CDH7: variants seen among roughly 807,000 people sequenced by gnomAD.
CDH7 encodes the protein cadherin-7.
A neutral mutation model predicts 71.8 loss-of-function variants in CDH7; 25 were observed. That is an observed-to-expected ratio of 0.35 (90% CI 0.25 to 0.49). CDH7 has a LOEUF of 0.49. Ranked by LOEUF, CDH7 falls within the 20% of genes least tolerant of loss-of-function variation. The pLI is 0.99. For missense variants in CDH7, 862 were observed against 974.6 expected (o/e 0.88, Z 1.54); for synonymous variants, 381 against 363.8 (o/e 1.05, Z -0.54).
chr18:65,763,547 T>G (rs1916265261), intron 2 of CDH7, among the ~76,000 whole-genome samples: 1 of 151,946 alleles, frequency 6.6e-6, no homozygotes, highest in Non-Finnish European at 1.5e-5. Context: ...TTCTAAATTA[T>G]GAACAATTTA....
At chr18:65,846,680 C>T (rs1912946131) in intron 7 of CDH7, among the ~76,000 whole-genome samples, 1 of 152,132 alleles carries the variant, frequency 6.6e-6, no homozygotes, top group African/African-American at 2.4e-5. Context: ...GCATTACTCT[C>T]ACGCATTCTC....
chr18:65,782,504 A>G (rs941678152), intron 2 of CDH7, among the ~76,000 whole-genome samples: 1 of 152,140 alleles, frequency 6.6e-6, no homozygotes, highest in Non-Finnish European at 1.5e-5. Flanking sequence ...TTACAAGTAT[A>G]TTAAAATAGA....
chr18:65,879,426 G>T (rs540307548), intron 11 of CDH7, among the ~76,000 whole-genome samples: 1 of 152,018 alleles, frequency 6.6e-6, no homozygotes, highest in African/African-American at 2.4e-5. Flanking sequence ...GATGAATAAA[G>T]GTAATTCATT....
At chr18:65,860,259 C>T (rs1284025191) in intron 10 of CDH7, among the ~76,000 whole-genome samples, 1 of 152,076 alleles carries the variant, frequency 6.6e-6, no homozygotes, top group Non-Finnish European at 1.5e-5. Context: ...ACCCCTTACT[C>T]TTTTATTTTT....
intron 8 of CDH7, 143 bp downstream of exon 8, chr18:65,858,095 G>A (rs1913430104): frequency 1.5e-6 from 1 of 678,488 alleles, no homozygotes; most frequent in Non-Finnish European, 2.4e-6. Context: ...TTTCTAAGCT[G>A]TGAAATATAC....
intron 2 of CDH7, among the ~76,000 whole-genome samples, chr18:65,781,866 C>CTCTG (rs1910243790): frequency 8.4e-5 from 5 of 59,744 alleles, no homozygotes; most frequent in Non-Finnish European, 1.2e-4. Context: ...TTCTTTCTTT[C>CTCTG]TCTCTCTCTC....
intron 2 of CDH7, among the ~76,000 whole-genome samples, chr18:65,789,564 TGTAACATTTGGGATGGTGG>T (rs1209074080): frequency 6.6e-6 from 1 of 152,118 alleles, no homozygotes; most frequent in Non-Finnish European, 1.5e-5. Flanking sequence ...AGTCAAAGTC[TGTAACATTTGGGATGGTGG>T]GTAAGACAGG....
In CDH7 at chr18:65,795,461, GC is replaced by G. The variant is rs1317326777; in HGVS notation, c.211-14242del. On this transcript the variant is annotated intron_variant, in intron 2 of 11. Coordinates refer to ENST00000397968, the MANE Select transcript of CDH7 (RefSeq NM_004361.5). Reference sequence around the variant, plus strand: ...AAATCATTATCATCCCAGTACTGCTGCAAGGAGTTTTGGGTAGTTCAAATTG... The same window carrying G: ...AAATCATTATCATCCCAGTACTGCTGAAGGAGTTTTGGGTAGTTCAAATTG... Among the ~76,000 whole-genome samples the G allele has an allele frequency of 3.3e-5, 5 of 152,204 alleles. No homozygotes were observed. In the East Asian group the frequency reaches 9.7e-4, roughly 29 times the overall value.
intron 6 of CDH7, among the ~76,000 whole-genome samples, chr18:65,835,586 CCAGA>C (rs1912503801): frequency 6.6e-6 from 1 of 152,218 alleles, no homozygotes; most frequent in East Asian, 1.9e-4. Context: ...ATTCTGCTTC[CCAGA>C]CAATGTATGA....
chr18:65,833,522 T>C (rs1912426358), intron 6 of CDH7, among the ~76,000 whole-genome samples: 1 of 152,120 alleles, frequency 6.6e-6, no homozygotes, highest in South Asian at 2.1e-4. Context: ...AGGCATAAAT[T>C]TTGGATTATT....
intron 11 of CDH7, among the ~76,000 whole-genome samples, chr18:65,864,663 C>A (rs1198185819): frequency 6.6e-6 from 1 of 150,756 alleles, no homozygotes; most frequent in Non-Finnish European, 1.5e-5. Flanking sequence ...CTGAGGCGGG[C>A]GGATCATGAG....
rs1486150859 is a variant in CDH7, at chr18:65,869,242, G to GAAAA, written c.1864+6327_1864+6328insAAAA. ...CCAGGGTCTTTTTTTTTTTCCTCCT[G>GAAAA]AATTGTGGCAACTCTACCATTCTCT... is the stretch of plus-strand genomic sequence containing the variant. On this transcript the variant is annotated intron_variant, in intron 11 of 11. Coordinates refer to ENST00000397968, the MANE Select transcript of CDH7 (RefSeq NM_004361.5). 4.7e-5 allele frequency among the ~76,000 whole-genome samples: 7 copies of GAAAA among 148,920 alleles called. 1 individual carries two copies. The South Asian group carries it at 1.5e-3, about 32-fold the overall frequency.
At chr18:65,783,002 A>G (rs1409357095) in intron 2 of CDH7, among the ~76,000 whole-genome samples, 1 of 152,210 alleles carries the variant, frequency 6.6e-6, no homozygotes, top group African/African-American at 2.4e-5. Flanking sequence ...ATGGAAGCAG[A>G]ATGAGGATAG....
intron 2 of CDH7, among the ~76,000 whole-genome samples, chr18:65,765,478 G>A (rs1916329103): frequency 1.4e-5 from 2 of 140,096 alleles, no homozygotes; most frequent in South Asian, 4.5e-4. Flanking sequence ...TTTTTTTTTA[G>A]TTTTGGGAGG....
chr18:65,812,563 A>G (rs1911581770), intron 3 of CDH7, among the ~76,000 whole-genome samples: 2 of 152,362 alleles, frequency 1.3e-5, no homozygotes, highest in African/African-American at 4.8e-5. Context: ...TTAATATTCA[A>G]GGATCATTTT....
At position 65,763,594 on chromosome 18, in the gene CDH7, G is replaced by GGTGT. The variant is rs71167145; in HGVS notation, c.210+577_210+580dup. On this transcript the variant is annotated intron_variant, in intron 2 of 11. Coordinates refer to ENST00000397968, the MANE Select transcript of CDH7 (RefSeq NM_004361.5). Reference sequence around the variant, plus strand: ...CTTAGCAGTCTTGTTTTGATAGGGGGGTGTGTGTGTGTGTGTGTGTGTGTG... The same window carrying GGTGT: ...CTTAGCAGTCTTGTTTTGATAGGGGGGTGTGTGTGTGTGTGTGTGTGTGTGTGTG... Among the ~76,000 whole-genome samples the GGTGT allele has an allele frequency of 5.0e-3, 499 of 99,170 alleles. 2 individuals are homozygous for GGTGT. Among genetic ancestry groups the GGTGT allele is most frequent in the South Asian group, 0.013 (34 of 2,720 alleles). 65.1% of individuals were successfully genotyped at this position (99,170 alleles called of 152,430 possible). A position where few individuals can be genotyped will look rare whatever the true frequency, so the allele number is the denominator to read the frequency against.
chr18:65,828,046 G>A (rs1408994998), intron 6 of CDH7, among the ~76,000 whole-genome samples: 3 of 151,138 alleles, frequency 2.0e-5, no homozygotes, highest in African/African-American at 7.3e-5. Flanking sequence ...ACGTAGTTCT[G>A]AGTAGATACT....
chr18:65,837,526 A>T (rs1187642374), intron 6 of CDH7, among the ~76,000 whole-genome samples: 1 of 152,216 alleles, frequency 6.6e-6, no homozygotes, highest in African/African-American at 2.4e-5. Flanking sequence ...GTAAAATTTC[A>T]TAGAGATGGC....
intron 7 of CDH7, among the ~76,000 whole-genome samples, chr18:65,844,895 C>T (rs989582262): frequency 7.2e-5 from 11 of 151,756 alleles, no homozygotes; most frequent in Admixed American, 7.2e-4. Context: ...ATTTTGATTA[C>T]AAAGACTATA....
Sources: allele counts gnomAD v4.1 joint callset (sites outside exome capture counted in the v4.1 genomes callset), GRCh38; gene constraint gnomAD v4.1.1; transcripts MANE v1.5; gene names NCBI Gene and HGNC (gene_info 2026-07-23, HGNC 2026-07-21).